Variants in TPH2 observed in about 807,000 individuals in gnomAD.
The protein encoded by TPH2 is tryptophan 5-hydroxylase 2.
Under a neutral mutation model 59.1 loss-of-function variants are expected in TPH2, and 27 were observed. The ratio of observed to expected loss-of-function variants is 0.46; its 90% confidence interval spans 0.34 to 0.63. The LOEUF is 0.63. TPH2 is among the 30% of genes least tolerant of loss of function. The probability of loss-of-function intolerance (pLI) is 0.01; values close to 1 mark genes in which losing one functional copy is unlikely to be tolerated. For synonymous variants in TPH2, 220 were observed against 210.5 expected (o/e 1.05, Z -0.39); for missense variants, 523 against 588.3 (o/e 0.89, Z 1.15).
chr12:72,008,792 T>C (rs1344486460), intron 8 of TPH2, among the ~76,000 whole-genome samples: 1 of 152,060 alleles, frequency 6.6e-6, no homozygotes, highest in Non-Finnish European at 1.5e-5. Context: ...TTAGGGTAAG[T>C]TGTGACCAAG....
At chr12:71,959,061 C>G (rs1228915483) in intron 5 of TPH2, among the ~76,000 whole-genome samples, 1 of 49,862 alleles carries the variant, frequency 2.0e-5, no homozygotes, top group Admixed American at 2.7e-4. Context: ...CAGAGAAGGG[C>G]ATTTTTTTTT....
At position 71,994,684 on chromosome 12, in the gene TPH2, T is replaced by C. The variant is rs1463179001; in HGVS notation, c.1068+119T>C. 64 of 1,254,748 alleles carry C rather than the reference T, an allele frequency of 5.1e-5. 1 individual carries two copies. The highest frequency in any genetic ancestry group is 6.3e-5 in the Non-Finnish European group (56 of 884,936). The allele number at this position is 1,254,748 out of a possible 1,614,324, so 77.7% of individuals were successfully genotyped here. On this transcript the variant is annotated intron_variant, in intron 8 of 10. Transcript: ENST00000333850. The stretch of plus-strand genomic sequence containing the variant: ...TGTTCTGGAGAAAACATGGTGAATT[T>C]ACCTTTTCCTATGTTGTATTCTTTT...
intron 8 of TPH2, among the ~76,000 whole-genome samples, chr12:72,021,964 C>T (rs1873431339): frequency 6.6e-6 from 1 of 152,114 alleles, no homozygotes; most frequent in Non-Finnish European, 1.5e-5. Flanking sequence ...AAACAAACTG[C>T]CAAAAACAGT....
intron 5 of TPH2, among the ~76,000 whole-genome samples, chr12:71,960,191 A>G (rs1871639533): frequency 6.6e-6 from 1 of 152,190 alleles, no homozygotes; most frequent in African/African-American, 2.4e-5. Context: ...GATGAATAGG[A>G]TAGTTTCTGA....
intron 5 of TPH2, among the ~76,000 whole-genome samples, chr12:71,956,505 C>CTCCCTCCT (rs1233719956): frequency 8.3e-4 from 5 of 6,014 alleles, no homozygotes; most frequent in African/African-American, 2.2e-3. Context: ...CTTTCCCTCC[C>CTCCCTCCT]TCCCTCCTTC....
intron 8 of TPH2, among the ~76,000 whole-genome samples, chr12:72,003,665 T>C (rs888883903): frequency 6.6e-6 from 1 of 152,220 alleles, no homozygotes; most frequent in African/African-American, 2.4e-5. Context: ...CATATGTGCA[T>C]GTTTCCTTTA....
rs1873714794 is a variant in TPH2 at position 72,031,284 on chromosome 12, G to A, written c.1191G>A (p.Val397=). The change falls in exon 10 of 11, where the codon GTG becomes GTA. Residue 397 remains valine, a synonymous_variant. Transcript: ENST00000333850. ...ACGCCCTTTCTGACAAGGCATGTGT[G>A]AAAGCCTTTGACCCAAAGACAACTT... ...LKHALSDKAC[V]KAFDPKTTCL... The A allele has an allele frequency of 6.2e-7, 1 of 1,613,554 alleles. No homozygotes were observed. Among genetic ancestry groups the A allele is most frequent in the Admixed American group, 1.7e-5 (1 of 59,982 alleles).
At position 72,031,517 on chromosome 12, in the gene TPH2, G is replaced by A. The variant is rs768303625; in HGVS notation, c.1299-4G>A. On this transcript the variant is annotated splice_region_variant and splice_polypyrimidine_tract_variant and intron_variant, in intron 10 of 10. Coordinates refer to ENST00000333850, the MANE Select transcript of TPH2 (RefSeq NM_173353.4). ...ATCTCTTTCTACTTCTGTTTATTCT[G>A]CAGGGACTTTGCAAAGTCAATTACC... is the stretch of plus-strand genomic sequence containing the variant. The A allele has an allele frequency of 4.2e-5, 67 of 1,612,988 alleles. No individual in the cohort carries two copies. In the Admixed American group the frequency reaches 1.1e-3, roughly 27 times the overall value.
At position 71,982,015 on chromosome 12, in the gene TPH2, A is replaced by ATTTTTTTTTTTTTTT. The variant is rs781612841; in HGVS notation, c.941+2931_941+2945dup. Among the ~76,000 whole-genome samples the ATTTTTTTTTTTTTTT allele has an allele frequency of 2.6e-3, 156 of 60,480 alleles. 25 individuals carry two copies. The highest frequency in any genetic ancestry group is 0.01 in the South Asian group (18 of 1,800). 39.7% of individuals were successfully genotyped at this position (60,480 alleles called of 152,430 possible). A position where few individuals can be genotyped will look rare whatever the true frequency, so the allele number is the denominator to read the frequency against. On this transcript the variant is annotated intron_variant, in intron 7 of 10. Coordinates refer to ENST00000333850, the MANE Select transcript of TPH2 (RefSeq NM_173353.4). Reference sequence around the variant, plus strand: ...TTTTTGTGGGTTTCATATCATTCGTATTTTTTTTTTTTTTTTTAGACAGAG... The same window carrying ATTTTTTTTTTTTTTT: ...TTTTTGTGGGTTTCATATCATTCGTATTTTTTTTTTTTTTTTTTTTTTTTTTTTTTTTAGACAGAG...
chr12:72,011,060 A>T (rs1030052732), intron 8 of TPH2, among the ~76,000 whole-genome samples: 15 of 152,196 alleles, frequency 9.9e-5, no homozygotes, highest in Non-Finnish European at 2.2e-4. Context: ...TATGAAAATG[A>T]TGTGTACCTG....
rs569347340 is a variant in TPH2 at position 71,953,462 on chromosome 12, A to T, written c.608+3807A>T. 3.3e-5 allele frequency among the ~76,000 whole-genome samples: 5 copies of T among 152,194 alleles called. No individual in the cohort carries two copies. The South Asian group carries it at 1.0e-3, about 32-fold the overall frequency. ...GGGCACAGATACTAACGAATTCCAA[A>T]TGGGCCTTGTCCATTTTCTCCAGGC... is the stretch of plus-strand genomic sequence containing the variant. On this transcript the variant is annotated intron_variant, in intron 5 of 10. Coordinates refer to ENST00000333850, the MANE Select transcript of TPH2 (RefSeq NM_173353.4).
chr12:72,019,171 A>T (rs1467435209), intron 8 of TPH2, among the ~76,000 whole-genome samples: 1 of 152,016 alleles, frequency 6.6e-6, no homozygotes, highest in Non-Finnish European at 1.5e-5. Flanking sequence ...GCTCTGCGAT[A>T]TTTACTTCTC....
At chr12:72,011,961 T>A (rs1348094662) in intron 8 of TPH2, among the ~76,000 whole-genome samples, 1 of 152,176 alleles carries the variant, frequency 6.6e-6, no homozygotes. Context: ...CTTTGATGGC[T>A]ACTGTAGACT....
rs573548863 is a variant in TPH2 at position 72,028,656 on chromosome 12, G to C, written c.1165-2602G>C. Among the ~76,000 whole-genome samples, 5 of 152,182 alleles carry C rather than the reference G, an allele frequency of 3.3e-5. No homozygotes were observed. The East Asian group carries it at 7.7e-4, about 24-fold the overall frequency. On this transcript the variant is annotated intron_variant, in intron 9 of 10. Transcript: ENST00000333850. Reference sequence around the variant, plus strand: ...ATCTCCAGGTTCTTGTCATTCTCCAGGCTAATCCATGGGTACCATTATTAC... The same window carrying C: ...ATCTCCAGGTTCTTGTCATTCTCCACGCTAATCCATGGGTACCATTATTAC...
intron 7 of TPH2, among the ~76,000 whole-genome samples, chr12:71,984,192 C>A (rs1286782041): frequency 2.0e-5 from 3 of 152,088 alleles, no homozygotes; most frequent in African/African-American, 7.2e-5. Context: ...TGCAGTTGAC[C>A]AGTTTAGTGG....
chr12:72,016,408 G>A (rs1173598829), intron 8 of TPH2, among the ~76,000 whole-genome samples: 2 of 152,144 alleles, frequency 1.3e-5, no homozygotes, highest in Non-Finnish European at 2.9e-5. Flanking sequence ...AAGTGAGGGT[G>A]TGGGTTTGGA....
At chr12:71,944,736 A>G (rs370522241) in intron 4 of TPH2, 50 bp downstream of exon 4, 3 of 1,511,572 alleles carry the variant, frequency 2.0e-6, no homozygotes, top group East Asian at 2.3e-5. Flanking sequence ...AGCTCCACCC[A>G]TGTGCCAGGC....
At chr12:72,029,346 T>C (rs1873655303) in intron 9 of TPH2, among the ~76,000 whole-genome samples, 1 of 152,196 alleles carries the variant, frequency 6.6e-6, no homozygotes. Flanking sequence ...CCAGCCACAG[T>C]CCTTTCCATA....
intron 5 of TPH2, among the ~76,000 whole-genome samples, chr12:71,954,221 G>A (rs1041226854): frequency 6.6e-6 from 1 of 152,142 alleles, no homozygotes; most frequent in African/African-American, 2.4e-5. Flanking sequence ...CCACTCAGGC[G>A]AGCTTCTGAT....
Sources: gnomAD v4.1 joint callset for allele counts (sites outside exome capture counted in the v4.1 genomes callset) on GRCh38, gnomAD v4.1.1 for gene constraint, MANE v1.5 for transcripts, NCBI Gene and HGNC (gene_info 2026-07-23, HGNC 2026-07-21) for gene names.